SEMA6D: variants seen among roughly 807,000 people sequenced by gnomAD.
SEMA6D encodes the protein semaphorin-6D.
In SEMA6D, 35 loss-of-function variants were observed where a neutral mutation model predicts 106.6. The ratio of observed to expected loss-of-function variants is 0.33; its 90% CI spans 0.25 to 0.44. The LOEUF is 0.44. Among genes scored for constraint, SEMA6D ranks in the 20% least tolerant of loss-of-function variants. SEMA6D has a pLI of 1.00. For synonymous variants in SEMA6D, 499 were observed against 487.7 expected (o/e 1.02, Z -0.31); for missense variants, 1,185 against 1,345.9 (o/e 0.88, Z 1.87).
At chr15:47,634,413 C>G (rs2144582646) in intron 4 of SEMA6D, among the ~76,000 whole-genome samples, 1 of 152,244 alleles carries the variant, frequency 6.6e-6, no homozygotes, top group Non-Finnish European at 1.5e-5. Flanking sequence ...GGCTGAGTCA[C>G]ACAACTTTGT....
At chr15:47,206,009 C>T (rs1895033692) in intron 1 of SEMA6D, among the ~76,000 whole-genome samples, 2 of 152,192 alleles carry the variant, frequency 1.3e-5, no homozygotes, top group Non-Finnish European at 1.5e-5. Context: ...ACAACTGTAC[C>T]TTTTCTTCTG....
intron 6 of SEMA6D, 111 bp from the exon 7 acceptor site, chr15:47,761,550 A>C: frequency 1.6e-6 from 2 of 1,255,644 alleles, no homozygotes; most frequent in Non-Finnish European, 1.1e-6. Flanking sequence ...GTGCAATGAA[A>C]GAATAAAGAC....
At chr15:47,391,163 A>C (rs922235916) in intron 1 of SEMA6D, among the ~76,000 whole-genome samples, 1 of 152,142 alleles carries the variant, frequency 6.6e-6, no homozygotes, top group South Asian at 2.1e-4. Context: ...CAGTTCATAA[A>C]AGCTTCCCCC....
intron 1 of SEMA6D, among the ~76,000 whole-genome samples, chr15:47,256,985 A>G (rs909375870): frequency 1.3e-5 from 2 of 151,990 alleles, no homozygotes; most frequent in African/African-American, 4.8e-5. Context: ...ATATGATTTT[A>G]TTTATATTTC....
intron 3 of SEMA6D, among the ~76,000 whole-genome samples, chr15:47,493,659 T>G (rs971499168): frequency 1.7e-4 from 26 of 152,192 alleles, no homozygotes; most frequent in African/African-American, 5.8e-4. Context: ...CTCTGTTACC[T>G]GTTTCATGTG....
At chr15:47,419,194 A>G (rs2041074240) in intron 2 of SEMA6D, among the ~76,000 whole-genome samples, 1 of 152,126 alleles carries the variant, frequency 6.6e-6, no homozygotes, top group African/African-American at 2.4e-5. Context: ...GATCATGATC[A>G]TAGAAGAGAA....
chr15:47,304,804 G>T (rs1268064455), intron 1 of SEMA6D, among the ~76,000 whole-genome samples: 1 of 152,130 alleles, frequency 6.6e-6, no homozygotes, highest in African/African-American at 2.4e-5. Context: ...AGGCTGCTGT[G>T]GTGACTAACA....
At chr15:47,415,258 T>A (rs943160315) in intron 2 of SEMA6D, among the ~76,000 whole-genome samples, 2 of 152,198 alleles carry the variant, frequency 1.3e-5, no homozygotes, top group African/African-American at 2.4e-5. Flanking sequence ...ATTGTGTGTG[T>A]ATCTATTTTT....
chr15:47,579,362 G>A (rs772364574), intron 3 of SEMA6D, among the ~76,000 whole-genome samples: 1 of 151,668 alleles, frequency 6.6e-6, no homozygotes, highest in Non-Finnish European at 1.5e-5. Flanking sequence ...GGCTGGTCTC[G>A]AACTCCTGAC....
intron 1 of SEMA6D, among the ~76,000 whole-genome samples, chr15:47,248,954 A>T (rs776294082): frequency 6.6e-6 from 1 of 152,162 alleles, no homozygotes. Context: ...TAGGCCAGGC[A>T]CGGTGGCTCA....
At chr15:47,437,391 GAA>G (rs1164179802) in intron 2 of SEMA6D, among the ~76,000 whole-genome samples, 2 of 152,230 alleles carry the variant, frequency 1.3e-5, no homozygotes, top group East Asian at 3.9e-4. Flanking sequence ...TTAAATGAAT[GAA>G]TGTATCAAAA....
rs2040456091 is a variant in SEMA6D, at chr15:47,403,243, C to T, written c.-238-9150C>T. On this transcript the variant is annotated intron_variant, in intron 1 of 19. Coordinates refer to the SEMA6D transcript ENST00000558014. Reference sequence around the variant, plus strand: ...GAAATAAAATGGACCAGTAAATGCACAACTCTTCTTTTTTGCATAATCTCT... The same window carrying T: ...GAAATAAAATGGACCAGTAAATGCATAACTCTTCTTTTTTGCATAATCTCT... 2.6e-5 allele frequency among the ~76,000 whole-genome samples: 4 copies of T among 152,142 alleles called. No homozygotes were observed. The South Asian group carries it at 8.3e-4, about 32-fold the overall frequency.
chr15:47,337,787 G>C (rs1567008411), intron 1 of SEMA6D, among the ~76,000 whole-genome samples: 1 of 152,286 alleles, frequency 6.6e-6, no homozygotes, highest in East Asian at 1.9e-4. Context: ...ATTTTTCTCT[G>C]TCTTTATGGT....
intron 3 of SEMA6D, among the ~76,000 whole-genome samples, chr15:47,472,961 T>A (rs1029961037): frequency 1.3e-5 from 2 of 152,188 alleles, no homozygotes. Flanking sequence ...ACAGTGCCAA[T>A]GTTTTGTGTA....
intron 1 of SEMA6D, among the ~76,000 whole-genome samples, chr15:47,344,639 A>G (rs2144607681): frequency 6.6e-6 from 1 of 152,322 alleles, no homozygotes; most frequent in South Asian, 2.1e-4. Flanking sequence ...ATGGAAGAGA[A>G]CACTAGAGAT....
At chr15:47,367,733 G>GAA (rs746440692) in intron 1 of SEMA6D, among the ~76,000 whole-genome samples, 13 of 148,344 alleles carry the variant, frequency 8.8e-5, no homozygotes, top group Non-Finnish European at 1.5e-4. Flanking sequence ...CACACAGAGA[G>GAA]AGAGAAAGAG....
At chr15:47,614,634 C>T (rs11070601) in intron 4 of SEMA6D, among the ~76,000 whole-genome samples, 4,895 of 152,204 alleles carry the variant, frequency 0.032, 268 homozygotes, top group African/African-American at 0.11. Context: ...TCACTAAGTA[C>T]TTTGGTGCAC....
chr15:47,678,812 A>G (rs189437535), intron 4 of SEMA6D, among the ~76,000 whole-genome samples: 3 of 152,148 alleles, frequency 2.0e-5, no homozygotes, highest in African/African-American at 4.8e-5. Flanking sequence ...TATATATTGT[A>G]TTTGTATCAT....
intron 3 of SEMA6D, among the ~76,000 whole-genome samples, chr15:47,575,698 A>T (rs1454776151): frequency 6.6e-6 from 1 of 152,040 alleles, no homozygotes; most frequent in South Asian, 2.1e-4. Flanking sequence ...CAGCCTGGGT[A>T]ACAGAGCAAG....
Sources: allele counts gnomAD v4.1 joint callset (sites outside exome capture counted in the v4.1 genomes callset), GRCh38; gene constraint gnomAD v4.1.1; transcripts MANE v1.5; gene names NCBI Gene and HGNC (gene_info 2026-07-23, HGNC 2026-07-21).